MECOM: variants seen among roughly 807,000 people sequenced by gnomAD.
The protein encoded by MECOM is histone-lysine N-methyltransferase MECOM.
In MECOM, 13 loss-of-function variants were observed where a neutral mutation model predicts 116.3. The ratio of observed to expected loss-of-function variants is 0.11; its 90% CI spans 0.07 to 0.18. The LOEUF is 0.18. Among genes scored for constraint, MECOM ranks in the 10% least tolerant of loss-of-function variants. MECOM has a pLI of 1.00. For synonymous variants in MECOM, 528 were observed against 535.2 expected (o/e 0.99, Z 0.19); for missense variants, 1,299 against 1,509.0 (o/e 0.86, Z 2.31).
At chr3:169,410,072 G>A (rs1379335558) in intron 1 of MECOM, among the ~76,000 whole-genome samples, 3 of 152,118 alleles carry the variant, frequency 2.0e-5, no homozygotes, top group African/African-American at 7.2e-5. Flanking sequence ...GCAACAATAA[G>A]TCATTTTTCA....
intron 1 of MECOM, among the ~76,000 whole-genome samples, chr3:169,598,364 A>G (rs1175202528): frequency 1.3e-5 from 2 of 152,238 alleles, no homozygotes; most frequent in Admixed American, 1.3e-4. Context: ...AGCAAGTTAT[A>G]AAACTGGCTG....
chr3:169,421,590 T>C (rs989486861), intron 1 of MECOM, among the ~76,000 whole-genome samples: 1 of 152,126 alleles, frequency 6.6e-6, no homozygotes, highest in East Asian at 1.9e-4. Context: ...TCCTGCCTCC[T>C]TACTTCGCTG....
In MECOM at chr3:169,212,753, C is replaced by A. The variant is rs375331135; in HGVS notation, c.376-68921G>T. Among the ~76,000 whole-genome samples, 62 of 147,728 alleles carry A rather than the reference C, an allele frequency of 4.2e-4. No homozygotes were observed. The South Asian group carries it at 0.013, about 31-fold the overall frequency. ...ACTACCAGTTCTAGCCCTCACCTAG[C>A]CTAGTAATCTAATTGCTCTTACTAT... On this transcript the variant is annotated intron_variant, in intron 2 of 16. Coordinates refer to ENST00000651503, the MANE Select transcript of MECOM (RefSeq NM_004991.4).
At chr3:169,415,986 G>T (rs559702738) in intron 1 of MECOM, among the ~76,000 whole-genome samples, 1 of 152,180 alleles carries the variant, frequency 6.6e-6, no homozygotes, top group South Asian at 2.1e-4. Context: ...AATTAACAAG[G>T]ATATCCAGGA....
intron 1 of MECOM, among the ~76,000 whole-genome samples, chr3:169,552,017 C>A (rs74430204): frequency 6.6e-6 from 1 of 151,488 alleles, no homozygotes; most frequent in Non-Finnish European, 1.5e-5. Context: ...TCCACTGGGA[C>A]AGAAAGTAGA....
chr3:169,500,834 C>T (rs570423860), intron 1 of MECOM, among the ~76,000 whole-genome samples: 1 of 151,914 alleles, frequency 6.6e-6, no homozygotes, highest in South Asian at 2.1e-4. Context: ...ATTTTAAAAA[C>T]AGGGCTAAAT....
At chr3:169,402,162 T>C (rs1736006985) in intron 1 of MECOM, among the ~76,000 whole-genome samples, 1 of 152,106 alleles carries the variant, frequency 6.6e-6, no homozygotes, top group African/African-American at 2.4e-5. Flanking sequence ...GGGGATAAAA[T>C]AAACTTCAAT....
chr3:169,302,358 C>T (rs1381785559), intron 2 of MECOM, among the ~76,000 whole-genome samples: 1 of 152,186 alleles, frequency 6.6e-6, no homozygotes. Flanking sequence ...ACACCTCCTG[C>T]TGTGAAAATG....
chr3:169,475,802 C>T (rs571365796), intron 1 of MECOM, among the ~76,000 whole-genome samples: 21 of 151,838 alleles, frequency 1.4e-4, no homozygotes, highest in East Asian at 7.7e-4. Context: ...ATAACAAAAA[C>T]GACAAAGGTA....
chr3:169,122,488 T>G (rs937767260), intron 6 of MECOM, 92 bp downstream of exon 6: 1 of 1,452,252 alleles, frequency 6.9e-7, no homozygotes, highest in Non-Finnish European at 9.5e-7. Context: ...GTTTCCCCTC[T>G]GAAGGCTTGT....
chr3:169,478,870 C>T (rs1750865105), intron 1 of MECOM, among the ~76,000 whole-genome samples: 2 of 152,150 alleles, frequency 1.3e-5, no homozygotes, highest in South Asian at 2.1e-4. Flanking sequence ...ACAGATTAAC[C>T]ATACAGAGCC....
At chr3:169,205,351 A>G (rs1162635255) in intron 2 of MECOM, among the ~76,000 whole-genome samples, 3 of 152,162 alleles carry the variant, frequency 2.0e-5, no homozygotes, top group African/African-American at 7.2e-5. Flanking sequence ...GCTAAGATTA[A>G]GCATAGGTTT....
At chr3:169,382,849 C>CAAAAAAAAAAAAAAAAAAAAA (rs1157852145) in intron 1 of MECOM, among the ~76,000 whole-genome samples, 8 of 47,158 alleles carry the variant, frequency 1.7e-4, no homozygotes, top group East Asian at 2.1e-3. Flanking sequence ...AAGCCCATCT[C>CAAAAAAAAAAAAAAAAAAAAA]AAAAAAAAAA....
At chr3:169,153,323 T>A (rs1010049080) in intron 2 of MECOM, among the ~76,000 whole-genome samples, 1 of 152,148 alleles carries the variant, frequency 6.6e-6, no homozygotes, top group Non-Finnish European at 1.5e-5. Context: ...AAAAAATGCA[T>A]AACATATCAA....
intron 1 of MECOM, among the ~76,000 whole-genome samples, chr3:169,529,634 G>A (rs759706806): frequency 2.6e-5 from 4 of 152,172 alleles, no homozygotes; most frequent in Non-Finnish European, 4.4e-5. Context: ...TCACAGCAAC[G>A]AAGAATTTGA....
intron 1 of MECOM, among the ~76,000 whole-genome samples, chr3:169,631,062 G>T (rs571048248): frequency 1.3e-5 from 2 of 152,344 alleles, no homozygotes; most frequent in East Asian, 1.9e-4. Flanking sequence ...GCTGCAGGCA[G>T]CTCTGCAGTG....
At chr3:169,486,008 A>AG (rs1752299503) in intron 1 of MECOM, among the ~76,000 whole-genome samples, 1 of 36,470 alleles carries the variant, frequency 2.7e-5, no homozygotes, top group Admixed American at 2.8e-4. Flanking sequence ...TATATATACT[A>AG]TATATATATG....
intron 2 of MECOM, among the ~76,000 whole-genome samples, chr3:169,234,837 C>G (rs1560026473): frequency 6.6e-6 from 1 of 152,256 alleles, no homozygotes; most frequent in East Asian, 1.9e-4. Flanking sequence ...TTTTATCACT[C>G]TAAGCCTATT....
intron 2 of MECOM, among the ~76,000 whole-genome samples, chr3:169,356,710 G>C (rs1049665555): frequency 6.6e-6 from 1 of 151,878 alleles, no homozygotes; most frequent in Non-Finnish European, 1.5e-5. Flanking sequence ...GGTAGTGGAC[G>C]TCCCAGGCTT....
Sources: gnomAD v4.1 joint callset for allele counts (sites outside exome capture counted in the v4.1 genomes callset) on GRCh38, gnomAD v4.1.1 for gene constraint, MANE v1.5 for transcripts, NCBI Gene and HGNC (gene_info 2026-07-23, HGNC 2026-07-21) for gene names.